RPS6KB1: variants seen among roughly 807,000 people sequenced by gnomAD.
The protein encoded by RPS6KB1 is ribosomal protein S6 kinase beta-1.
RPS6KB1 carries 12 observed loss-of-function variants against 70.2 expected under a neutral mutation model. That is an observed-to-expected ratio of 0.17 (90% CI 0.11 to 0.28). The LOEUF is 0.28. Ranked by LOEUF, RPS6KB1 falls within the 10% of genes least tolerant of loss-of-function variation. The probability of loss-of-function intolerance (pLI) is 1.00; values close to 1 mark genes in which losing one functional copy is unlikely to be tolerated. For synonymous variants in RPS6KB1, 175 were observed against 211.2 expected (o/e 0.83, Z 1.49); for missense variants, 270 against 646.6 (o/e 0.42, Z 6.32).
At chr17:59,933,477 C>A (rs1472561507) in intron 7 of RPS6KB1, among the ~76,000 whole-genome samples, 1 of 152,020 alleles carries the variant, frequency 6.6e-6, no homozygotes, top group Non-Finnish European at 1.5e-5. Context: ...GGTCATTGTG[C>A]CTTTTCTGTG....
rs151149389 is a variant in RPS6KB1 at position 59,912,849 on chromosome 17, G to C, written c.312+45G>C. ...TGAGAGCTGTTGTCTGTCTTGAATA[G>C]ATTGATTTTTATGCCCTGGTTCCAG... is the stretch of plus-strand genomic sequence containing the variant. On this transcript the variant is annotated intron_variant, in intron 3 of 14. Coordinates refer to ENST00000225577, the MANE Select transcript of RPS6KB1 (RefSeq NM_003161.4). 4.3e-4 allele frequency: 686 copies of C among 1,597,688 alleles called. 3 individuals carry two copies. The African/African-American group carries it at 4.4e-3, about 10-fold the overall frequency.
intron 6 of RPS6KB1, chr17:59,931,007 CT>C (rs2043897694): frequency 6.5e-6 from 1 of 153,212 alleles, no homozygotes; most frequent in South Asian, 2.1e-4. Flanking sequence ...GTGCCTTGTG[CT>C]TTTCGAATCC....
At chr17:59,905,670 A>G (rs1272437679) in intron 1 of RPS6KB1, among the ~76,000 whole-genome samples, 1 of 151,200 alleles carries the variant, frequency 6.6e-6, no homozygotes, top group Admixed American at 6.6e-5. Flanking sequence ...ATGCCCGGCT[A>G]ATTTTTTATA....
chr17:59,947,215 G>C lies in RPS6KB1; in HGVS notation c.*427G>C, dbSNP rs1231109448. 2 of 1,028,580 alleles carry C rather than the reference G, an allele frequency of 1.9e-6. No individual in the cohort carries two copies. Among genetic ancestry groups the C allele is most frequent in the East Asian group, 8.5e-5 (1 of 11,710 alleles). The allele number at this position is 1,028,580 out of a possible 1,614,324, so 63.7% of individuals were successfully genotyped here. A position where few individuals can be genotyped will look rare whatever the true frequency, so the allele number is the denominator to read the frequency against. ...TAAGGACAAATTAGCATGCAAGCTTGGTCAAACTTTTTCCAGCAAAATGGA... is the reference window on the plus strand; with the variant it reads ...TAAGGACAAATTAGCATGCAAGCTTCGTCAAACTTTTTCCAGCAAAATGGA... On this transcript the variant is annotated 3_prime_UTR_variant, in exon 15 of 15. Coordinates refer to ENST00000225577, the MANE Select transcript of RPS6KB1 (RefSeq NM_003161.4).
intron 1 of RPS6KB1, among the ~76,000 whole-genome samples, chr17:59,895,903 G>A (rs1195814978): frequency 1.3e-5 from 2 of 152,146 alleles, no homozygotes; most frequent in Admixed American, 1.3e-4. Flanking sequence ...AAAGTGCTGG[G>A]ATTACAGGCG....
chr17:59,902,289 G>A (rs12944719), intron 1 of RPS6KB1, among the ~76,000 whole-genome samples: 27 of 151,786 alleles, frequency 1.8e-4, no homozygotes, highest in Non-Finnish European at 1.3e-4. Context: ...ATTTTTAGTA[G>A]AGATGGGGTT....
chr17:59,895,551 G>T (rs1355540282), intron 1 of RPS6KB1, among the ~76,000 whole-genome samples: 1 of 150,328 alleles, frequency 6.7e-6, no homozygotes, highest in Non-Finnish European at 1.5e-5. Flanking sequence ...TTGAACATCT[G>T]ACCTCAGGTG....
intron 1 of RPS6KB1, among the ~76,000 whole-genome samples, chr17:59,905,947 C>G (rs1286857326): frequency 6.6e-6 from 1 of 152,112 alleles, no homozygotes; most frequent in African/African-American, 2.4e-5. Flanking sequence ...TACAACACCA[C>G]ACTCAGCTCG....
chr17:59,899,410 G>T (rs1433100384), intron 1 of RPS6KB1, among the ~76,000 whole-genome samples: 1 of 152,088 alleles, frequency 6.6e-6, no homozygotes, highest in African/African-American at 2.4e-5. Flanking sequence ...TATAGGTCTG[G>T]CCAGCTTAGG....
chr17:59,910,039 T>A (rs2042540212), intron 1 of RPS6KB1, among the ~76,000 whole-genome samples: 1 of 150,160 alleles, frequency 6.7e-6, no homozygotes, highest in Non-Finnish European at 1.5e-5. Flanking sequence ...ACACAAAAAT[T>A]AGCCAAGCAT....
chr17:59,914,211 C>T lies in RPS6KB1; in HGVS notation c.313-424C>T, dbSNP rs1188463959. On this transcript the variant is annotated intron_variant, in intron 3 of 14. Coordinates refer to ENST00000225577, the MANE Select transcript of RPS6KB1 (RefSeq NM_003161.4). Reference sequence around the variant, plus strand: ...TGAAGCAAGGGCAGTGGCAAGCAACCTTGAAAGAAATTTATGAAATATTTT... The same window carrying T: ...TGAAGCAAGGGCAGTGGCAAGCAACTTTGAAAGAAATTTATGAAATATTTT... Among the ~76,000 whole-genome samples, 6 of 148,638 alleles carry T rather than the reference C, an allele frequency of 4.0e-5. No homozygotes were observed. The Admixed American group carries it at 4.0e-4, about 10-fold the overall frequency.
intron 1 of RPS6KB1, among the ~76,000 whole-genome samples, chr17:59,908,989 C>T (rs1452897677): frequency 6.2e-5 from 9 of 145,160 alleles, no homozygotes; most frequent in South Asian, 4.3e-4. Context: ...TGCAATGGCG[C>T]GATCTCGGCT....
At chr17:59,903,460 G>C (rs980709910) in intron 1 of RPS6KB1, among the ~76,000 whole-genome samples, 1 of 152,056 alleles carries the variant, frequency 6.6e-6, no homozygotes, top group Non-Finnish European at 1.5e-5. Flanking sequence ...GGGTGATAGA[G>C]TGACACCCTG....
rs2042013652 is a variant in RPS6KB1 at position 59,902,448 on chromosome 17, C to A, written c.142-8114C>A. Among the ~76,000 whole-genome samples, 5 of 152,074 alleles carry A rather than the reference C, an allele frequency of 3.3e-5. No homozygotes were observed. The South Asian group carries it at 1.0e-3, about 32-fold the overall frequency. Reference sequence around the variant, plus strand: ...TGTAACATGTATCAGTACTTCATTTCTTTTTAGGGCCAAATAGTTATTCTG... The same window carrying A: ...TGTAACATGTATCAGTACTTCATTTATTTTTAGGGCCAAATAGTTATTCTG... On this transcript the variant is annotated intron_variant, in intron 1 of 14. Coordinates refer to ENST00000225577, the MANE Select transcript of RPS6KB1 (RefSeq NM_003161.4).
chr17:59,934,795 G>A lies in RPS6KB1; in HGVS notation c.870+271G>A, dbSNP rs1286747736. On this transcript the variant is annotated intron_variant, in intron 9 of 14. Coordinates refer to ENST00000225577, the MANE Select transcript of RPS6KB1 (RefSeq NM_003161.4). The surrounding 1 kb of genome is among the most constrained non-coding windows in gnomAD (Gnocchi z 4.8). Reference sequence around the variant, plus strand: ...TTATTTTATAAATGGAGAAATTGAAGCATAAAATCACATAGCTCACTTATC... The same window carrying A: ...TTATTTTATAAATGGAGAAATTGAAACATAAAATCACATAGCTCACTTATC... The A allele has an allele frequency of 2.4e-6, 1 of 423,774 alleles. No homozygotes were observed. 26.3% of individuals were successfully genotyped at this position (423,774 alleles called of 1,614,324 possible).
At chr17:59,928,156 T>TCACACA (rs35314641) in intron 5 of RPS6KB1, among the ~76,000 whole-genome samples, 2 of 150,248 alleles carry the variant, frequency 1.3e-5, no homozygotes, top group Non-Finnish European at 1.5e-5. Context: ...AGACTCAGTC[T>TCACACA]CACACACACA....
intron 1 of RPS6KB1, among the ~76,000 whole-genome samples, chr17:59,910,276 C>G (rs2042556685): frequency 6.6e-6 from 1 of 151,826 alleles, no homozygotes; most frequent in African/African-American, 2.4e-5. Context: ...GAGTTTAAGG[C>G]TCTGGTATGC....
chr17:59,924,038 A>G (rs1004446947), intron 4 of RPS6KB1, among the ~76,000 whole-genome samples: 2 of 152,082 alleles, frequency 1.3e-5, no homozygotes, highest in African/African-American at 4.8e-5. Context: ...AAAATTACTT[A>G]AATATCTTTT....
intron 4 of RPS6KB1, among the ~76,000 whole-genome samples, chr17:59,916,097 A>C (rs1174558870): frequency 7.0e-6 from 1 of 142,392 alleles, no homozygotes; most frequent in Non-Finnish European, 1.5e-5. Context: ...TTTTTAATTC[A>C]GCAGTTTTCA....
Sources: gnomAD v4.1 joint callset for allele counts (sites outside exome capture counted in the v4.1 genomes callset) on GRCh38, gnomAD v4.1.1 for gene constraint, Gnocchi (gnomAD v3.1) non-coding constraint, MANE v1.5 for transcripts, NCBI Gene and HGNC (gene_info 2026-07-23, HGNC 2026-07-21) for gene names.